GANC: variants seen among roughly 807,000 people sequenced by gnomAD.
GANC encodes neutral alpha-glucosidase C.
A neutral mutation model predicts 124.2 loss-of-function variants in GANC; 117 were observed. That is an observed-to-expected ratio of 0.94 (90% CI 0.81 to 1.10). GANC has a LOEUF of 1.10. Ranked by LOEUF, GANC falls within the 50% of genes least tolerant of loss-of-function variation. The pLI, the probability that GANC is intolerant of heterozygous loss-of-function variation, is 0.00. For synonymous variants in GANC, 377 were observed against 376.8 expected (o/e 1.00, Z -0.01); for missense variants, 1,140 against 1,095.0 (o/e 1.04, Z -0.58).
At chr15:42,343,204 C>T (rs1037342352) in intron 19 of GANC, 50 bp downstream of exon 19, 1 of 1,485,618 alleles carries the variant, frequency 6.7e-7, no homozygotes, top group Admixed American at 1.7e-5. Flanking sequence ...TCTCTCATCC[C>T]TTCTTTTCTT....
At position 42,353,314 on chromosome 15, in the gene GANC, C is replaced by A; in HGVS notation, c.*1175C>A. On this transcript the variant is annotated 3_prime_UTR_variant, in exon 24 of 24. Coordinates refer to ENST00000318010, the MANE Select transcript of GANC (RefSeq NM_198141.3). Reference sequence around the variant, plus strand: ...ACGGCCACCTCTGTGCCTTCTGATCCCTGGGCGCCAATATCCTCCTGCCCT... The same window carrying A: ...ACGGCCACCTCTGTGCCTTCTGATCACTGGGCGCCAATATCCTCCTGCCCT... 1 of 986,278 alleles carries A rather than the reference C, an allele frequency of 1.0e-6. No homozygotes were observed. Among genetic ancestry groups the A allele is most frequent in the Non-Finnish European group, 1.2e-6 (1 of 830,228 alleles). 61.1% of individuals were successfully genotyped at this position (986,278 alleles called of 1,614,324 possible).
rs781141360 is a variant in GANC at position 42,273,422 on chromosome 15, C to T, written c.-1060C>T. On this transcript the variant is annotated 5_prime_UTR_variant, in exon 1 of 24. Transcript: ENST00000318010. ...ATCTTCACAGCCGTGGAGTGCCTACCGAAAGCATTTCACCCTCTTCCGGTT... is the reference window on the plus strand; with the variant it reads ...ATCTTCACAGCCGTGGAGTGCCTACTGAAAGCATTTCACCCTCTTCCGGTT... 3.1e-6 allele frequency: 5 copies of T among 1,613,184 alleles called. No individual in the cohort carries two copies. The highest frequency in any genetic ancestry group is 3.4e-6 in the Non-Finnish European group (4 of 1,179,784).
At chr15:42,297,742 A>G in intron 6 of GANC, 86 bp downstream of exon 6, 11 of 932,754 alleles carry the variant, frequency 1.2e-5, no homozygotes, top group African/African-American at 3.4e-5. Context: ...TCTTCCTTCT[A>G]CAGAAGGGTG....
chr15:42,338,544 T>C, intron 16 of GANC, 54 bp downstream of exon 16: 2 of 1,279,492 alleles, frequency 1.6e-6, no homozygotes, highest in Non-Finnish European at 2.3e-6. Flanking sequence ...ATGAGGGTGT[T>C]TTCATCAAAG....
rs1381493362 is a variant in GANC, at chr15:42,348,115, C to T, written c.2317C>T (p.Gln773Ter). The change falls in exon 21 of 24, where the codon CAG becomes TAG. Residue 773 changes from glutamine (Q) to a stop codon, truncating the protein, a stop_gained. Transcript: ENST00000318010. LOFTEE classifies it high-confidence loss of function. ...PVALDTIPVF[Q>*]RGGSVIPIKT... ...TGCTCTGTTACAGATTCCAGTGTTT[C>T]AGCGAGGTGGAAGTGTGATACCAAT... The T allele has an allele frequency of 1.9e-6, 3 of 1,606,058 alleles. No homozygotes were observed. Among genetic ancestry groups the T allele is most frequent in the Non-Finnish European group, 1.7e-6 (2 of 1,176,128 alleles).
At chr15:42,331,686 G>T (rs970628983) in intron 15 of GANC, among the ~76,000 whole-genome samples, 3 of 152,176 alleles carry the variant, frequency 2.0e-5, no homozygotes, top group African/African-American at 7.2e-5. Flanking sequence ...CACAGTGGTA[G>T]TCCTTGAAAC....
At chr15:42,324,990 G>A (rs561968369) in intron 11 of GANC, among the ~76,000 whole-genome samples, 34 of 152,162 alleles carry the variant, frequency 2.2e-4, no homozygotes, top group Admixed American at 5.2e-4. Context: ...AAGGCTGGGT[G>A]CGGTGGCTCA....
chr15:42,345,881 G>A (rs760098126), intron 20 of GANC, 49 bp downstream of exon 20: 8 of 1,302,758 alleles, frequency 6.1e-6, no homozygotes, highest in East Asian at 2.3e-5. Context: ...TCTATTGGTC[G>A]GCTAGGGCTG....
At position 42,297,636 on chromosome 15, in the gene GANC, A is replaced by G. The variant is rs1259029336; in HGVS notation, c.538A>G (p.Thr180Ala). ...AGCTGCTAAAGAAAATGAGGAGGAG[A>G]CATCAGTGGACACCTCTCAGGTAAT... ...QRAAKENEEE[T>A]SVDTSQENQE... Residue 180 changes from threonine (T) to alanine (A), a missense_variant, in exon 6 of 24, where the codon ACA becomes GCA. By Grantham distance (58) the Thr-to-Ala change is moderately conservative. Transcript: ENST00000318010. The G allele has an allele frequency of 2.5e-6, 4 of 1,611,642 alleles. No homozygotes were observed. Among genetic ancestry groups the G allele is most frequent in the Admixed American group, 3.3e-5 (2 of 59,870 alleles).
At chr15:42,286,447 T>C (rs1278678436) in intron 3 of GANC, among the ~76,000 whole-genome samples, 1 of 152,212 alleles carries the variant, frequency 6.6e-6, no homozygotes, top group Non-Finnish European at 1.5e-5. Context: ...ATACATAATC[T>C]AACAGAATTT....
At chr15:42,340,633 A>C in intron 17 of GANC, 57 bp from the exon 18 acceptor site, 3 of 1,113,110 alleles carry the variant, frequency 2.7e-6, no homozygotes, top group Non-Finnish European at 3.9e-6. Context: ...AATATAAGTG[A>C]TTGATTGCAA....
At chr15:42,331,659 T>C (rs1459189946) in intron 15 of GANC, among the ~76,000 whole-genome samples, 3 of 152,290 alleles carry the variant, frequency 2.0e-5, no homozygotes, top group African/African-American at 7.2e-5. Context: ...CAAAGATTCA[T>C]GTACAGAGGT....
chr15:42,314,490 T>C (rs2052085788), intron 10 of GANC: 1 of 266,604 alleles, frequency 3.8e-6, no homozygotes, highest in South Asian at 4.3e-5. Context: ...GGTGGCTGTT[T>C]CACTTGTTTT....
At chr15:42,282,607 A>G (rs758280649) in intron 3 of GANC, among the ~76,000 whole-genome samples, 6 of 152,182 alleles carry the variant, frequency 3.9e-5, no homozygotes, top group East Asian at 1.9e-4. Context: ...GCCTGCCCCT[A>G]CACCTTTAAA....
chr15:42,300,338 C>T (rs1044499504), intron 6 of GANC, among the ~76,000 whole-genome samples: 2 of 152,044 alleles, frequency 1.3e-5, no homozygotes, highest in Admixed American at 1.3e-4. Context: ...ATGTGGCCAA[C>T]AAACATGAAA....
At chr15:42,334,244 C>T (rs1245589029) in intron 15 of GANC, among the ~76,000 whole-genome samples, 8 of 151,582 alleles carry the variant, frequency 5.3e-5, no homozygotes, top group Admixed American at 1.3e-4. Flanking sequence ...TCACTGCAAC[C>T]TCCACCTCCC....
At chr15:42,345,236 A>G (rs2052354621) in intron 19 of GANC, among the ~76,000 whole-genome samples, 1 of 151,324 alleles carries the variant, frequency 6.6e-6, no homozygotes, top group Non-Finnish European at 1.5e-5. Context: ...AAGATACTAT[A>G]ATAGTAATTC....
At chr15:42,321,122 C>A (rs942766343) in intron 10 of GANC, among the ~76,000 whole-genome samples, 1 of 152,182 alleles carries the variant, frequency 6.6e-6, no homozygotes, top group African/African-American at 2.4e-5. Context: ...GAAACTTCTT[C>A]CCAACTTCAG....
chr15:42,288,627 A>C (rs2051813934), intron 4 of GANC, among the ~76,000 whole-genome samples: 1 of 152,206 alleles, frequency 6.6e-6, no homozygotes, highest in Admixed American at 6.5e-5. Flanking sequence ...AAAGTTTAAA[A>C]TATATCTATT....
Sources: gnomAD v4.1 joint callset for allele counts (sites outside exome capture counted in the v4.1 genomes callset) on GRCh38, gnomAD v4.1.1 for gene constraint, MANE v1.5 for transcripts, NCBI Gene and HGNC (gene_info 2026-07-23, HGNC 2026-07-21) for gene names.